ITGA7: variants seen among roughly 807,000 people sequenced by gnomAD.
The protein encoded by ITGA7 is integrin alpha-7.
ITGA7 carries 84 observed loss-of-function variants against 131.6 expected under a neutral mutation model. The ratio of observed to expected loss-of-function variants is 0.64; its 90% confidence interval spans 0.54 to 0.77. The LOEUF (loss-of-function observed/expected upper bound fraction) is 0.77. Ranked by LOEUF, ITGA7 falls within the 30% of genes least tolerant of loss-of-function variation. The probability of loss-of-function intolerance (pLI) is 0.00; values close to 1 mark genes in which losing one functional copy is unlikely to be tolerated. For synonymous variants in ITGA7, 548 were observed against 600.7 expected, an observed-to-expected ratio of 0.91 and a Z score of 1.28; for missense variants, 1,399 against 1,482.9, an observed-to-expected ratio of 0.94 and a Z score of 0.93.
intron 5 of ITGA7, chr12:55,699,659 C>T: frequency 1.6e-6 from 1 of 613,820 alleles, no homozygotes; most frequent in Non-Finnish European, 2.9e-6. Context: ...ACCCCTGGCT[C>T]ACAGCCCCAG....
At position 55,707,874 on chromosome 12, in the gene ITGA7, C is replaced by T. The variant is rs1051522422; in HGVS notation, c.-192G>A. The stretch of plus-strand genomic sequence containing the variant: ...CCCGCCGCCCCAGCACCGGCTAGGA[C>T]AACTACAGCAGCCGCAGCTCCGGCG... On this transcript the variant is annotated 5_prime_UTR_variant, in exon 1 of 25. Transcript: ENST00000257879. The T allele has an allele frequency of 6.3e-6, 9 of 1,426,152 alleles. No individual in the cohort carries two copies. Among genetic ancestry groups the T allele is most frequent in the Non-Finnish European group, 8.2e-6 (9 of 1,096,080 alleles). The allele number at this position is 1,426,152 out of a possible 1,614,324, so 88.3% of individuals were successfully genotyped here.
upstream of ITGA7, chr12:55,712,023 C>G: frequency 6.7e-7 from 1 of 1,496,932 alleles, no homozygotes; most frequent in Non-Finnish European, 9.1e-7. Flanking sequence ...GCTTTTCCGT[C>G]CCAACATGCA....
chr12:55,701,023 C>T lies in ITGA7; in HGVS notation c.546G>A (p.Lys182=), dbSNP rs777933646. 155 of 1,614,222 alleles carry T rather than the reference C, an allele frequency of 9.6e-5. No homozygotes were observed. The highest frequency in any genetic ancestry group is 4.0e-4 in the Admixed American group (24 of 60,028). The change falls in exon 4 of 25, where the codon AAG becomes AAA. Residue 182 remains lysine, a synonymous_variant. Coordinates refer to ENST00000257879, the MANE Select transcript of ITGA7 (RefSeq NM_002206.3). ...GGCCTTGGGGGCGTCCCTCACAGAA[C>T]TTCCATTCCCCACCATCCAACTCAT... is the stretch of plus-strand genomic sequence containing the variant. ...IRDELDGGEW[K]FCEGRPQGHE... is the part of the protein sequence containing the mutation.
intron 14 of ITGA7, 46 bp downstream of exon 14, chr12:55,695,476 T>G: frequency 8.3e-7 from 1 of 1,199,374 alleles, no homozygotes; most frequent in Non-Finnish European, 1.2e-6. Flanking sequence ...TCTCAATCCT[T>G]GAACTCTTGC....
At chr12:55,715,951 C>T (rs1876477491), upstream of ITGA7, 3 of 1,385,818 alleles carry the variant, frequency 2.2e-6, no homozygotes, top group Non-Finnish European at 2.8e-6. Flanking sequence ...GAACACTTCA[C>T]CTGCCCTCCG....
At chr12:55,693,021 C>A (rs570436081) in intron 20 of ITGA7, 46 bp from the exon 21 acceptor site, 1 of 1,613,734 alleles carries the variant, frequency 6.2e-7, no homozygotes, top group South Asian at 1.1e-5. Context: ...CCAATCACAG[C>A]AGTGCTAAGA....
At chr12:55,695,341 G>C (rs1872408651) in intron 14 of ITGA7, 181 bp downstream of exon 14, 11 of 610,782 alleles carry the variant, frequency 1.8e-5, no homozygotes, top group Non-Finnish European at 3.2e-5. Context: ...TGCCATGGGA[G>C]CCCCCGTGGC....
intron 3 of ITGA7, 78 bp downstream of exon 3, chr12:55,702,794 C>T: frequency 8.2e-7 from 1 of 1,217,790 alleles, no homozygotes; most frequent in South Asian, 1.2e-5. Flanking sequence ...CTAAGCACAC[C>T]TATGCGTATG....
At chr12:55,699,492 GACA>G (rs1203412866) in intron 5 of ITGA7, 2 of 320,988 alleles carry the variant, frequency 6.2e-6, no homozygotes, top group Non-Finnish European at 1.2e-5. Flanking sequence ...ATGCAGATGA[GACA>G]ACGAGAGGGA....
At chr12:55,695,843 G>A (rs918416484) in intron 13 of ITGA7, among the ~76,000 whole-genome samples, 1 of 151,988 alleles carries the variant, frequency 6.6e-6, no homozygotes, top group Non-Finnish European at 1.5e-5. Flanking sequence ...GCACTACCAT[G>A]CCATGGTAGA....
Position 55,695,640 on chromosome 12 carries a change from G to A in ITGA7, c.1888-3C>T, listed in dbSNP as rs759601500. The A allele has an allele frequency of 1.4e-5, 23 of 1,608,936 alleles. No homozygotes were observed. Among genetic ancestry groups the A allele is most frequent in the South Asian group, 3.3e-5 (3 of 90,976 alleles). On this transcript the variant is annotated splice_polypyrimidine_tract_variant and splice_region_variant and intron_variant, in intron 13 of 24. Coordinates refer to ENST00000257879, the MANE Select transcript of ITGA7 (RefSeq NM_002206.3). ...CAGCCTTGCTTCAGGAAGTGGATCT[G>A]GGGAGAGACATGAGATAAGGGGCAT... is the stretch of plus-strand genomic sequence containing the variant.
At chr12:55,703,417 TACACAC>T (rs57311080) in intron 1 of ITGA7, among the ~76,000 whole-genome samples, 2 of 148,784 alleles carry the variant, frequency 1.3e-5, no homozygotes, top group Non-Finnish European at 3.0e-5. Flanking sequence ...ACACAGTAGA[TACACAC>T]ACACACACAC....
At chr12:55,705,371 C>CAAA (rs537771896) in intron 1 of ITGA7, among the ~76,000 whole-genome samples, 1 of 69,304 alleles carries the variant, frequency 1.4e-5, no homozygotes, top group Non-Finnish European at 3.1e-5. Context: ...GAGAGAAAAG[C>CAAA]AAAAAAAAAA....
In ITGA7 at chr12:55,694,965, A is replaced by G; in HGVS notation, c.2009T>C (p.Val670Ala). ...TGCAAACAGGGCTGTTGTTCCATCC[A>G]CATCCCTGGAGAGTCAGACCCCACT... ...DTEFQPLPMD[V>A]DGTTALFALS... is the part of the protein sequence containing the mutation. The change falls in exon 15 of 25, where the codon GTG becomes GCG. Residue 670 changes from valine (V) to alanine (A), a missense_variant. Coordinates refer to ENST00000257879, the MANE Select transcript of ITGA7 (RefSeq NM_002206.3). This position sits in a 1 kb window ranked among gnomAD's most constrained non-coding sequence, Gnocchi z 5.3. The G allele has an allele frequency of 6.2e-7, 1 of 1,613,136 alleles. No individual in the cohort carries two copies. Among genetic ancestry groups the G allele is most frequent in the Non-Finnish European group, 8.5e-7 (1 of 1,179,944 alleles).
upstream of ITGA7, chr12:55,712,431 A>G (rs1260349671): frequency 2.2e-5 from 14 of 624,476 alleles, no homozygotes; most frequent in East Asian, 1.9e-4. Context: ...CCCTCATCCA[A>G]CCCCTAACAA....
chr12:55,707,845 C>T lies in ITGA7; in HGVS notation c.-163G>A. The T allele has an allele frequency of 6.8e-7, 1 of 1,466,620 alleles. No individual in the cohort carries two copies. Among genetic ancestry groups the T allele is most frequent in the Non-Finnish European group, 9.0e-7 (1 of 1,109,772 alleles). 90.9% of individuals were successfully genotyped at this position (1,466,620 alleles called of 1,614,324 possible). ...GCCCTCCCGCCCGCCCGCCGCTCCGCCACCCCGCCGCCCCAGCACCGGCTA... is the reference window on the plus strand; with the variant it reads ...GCCCTCCCGCCCGCCCGCCGCTCCGTCACCCCGCCGCCCCAGCACCGGCTA... On this transcript the variant is annotated 5_prime_UTR_variant, in exon 1 of 25. Coordinates refer to ENST00000257879, the MANE Select transcript of ITGA7 (RefSeq NM_002206.3).
At chr12:55,696,578 G>A (rs1358746825) in intron 12 of ITGA7, 146 bp from the exon 13 acceptor site, 3 of 997,500 alleles carry the variant, frequency 3.0e-6, no homozygotes, top group African/African-American at 1.6e-5. Context: ...GAGCAAGGAG[G>A]AGGGAGAAAG....
At chr12:55,696,559 T>A in intron 12 of ITGA7, 127 bp from the exon 13 acceptor site, 55 of 1,025,348 alleles carry the variant, frequency 5.4e-5, no homozygotes, top group Non-Finnish European at 7.1e-5. Context: ...ATGAGAGAGG[T>A]GGAGAACTGA....
chr12:55,697,197 GA>G lies in ITGA7; in HGVS notation c.1567+18del, dbSNP rs1872807113. On this transcript the variant is annotated intron_variant, in intron 11 of 24. Coordinates refer to ENST00000257879, the MANE Select transcript of ITGA7 (RefSeq NM_002206.3). The stretch of plus-strand genomic sequence containing the variant: ...GGGAAACCCAAAAGGGCGAGCCACA[GA>G]GGGGGGACCGCACTCACCCACAGTA... 6.3e-7 allele frequency: 1 copy of G among 1,591,010 alleles called. No individual in the cohort carries two copies.
Sources: gnomAD v4.1 joint callset for allele counts (sites outside exome capture counted in the v4.1 genomes callset) on GRCh38, gnomAD v4.1.1 for gene constraint, Gnocchi (gnomAD v3.1) non-coding constraint, MANE v1.5 for transcripts, NCBI Gene and HGNC (gene_info 2026-07-23, HGNC 2026-07-21) for gene names.